Variants in LAPTM4A observed in about 807,000 individuals in gnomAD.
The protein encoded by LAPTM4A is lysosomal protein transmembrane 4 alpha, also known as lysosomal-associated transmembrane protein 4A.
A neutral mutation model predicts 29.9 loss-of-function variants in LAPTM4A; 19 were observed. That is an observed-to-expected ratio of 0.64 (90% CI 0.44 to 0.93). LAPTM4A has a LOEUF of 0.93. LAPTM4A is among the 40% of genes least tolerant of loss of function. The probability of loss-of-function intolerance (pLI) is 0.00; values close to 1 mark genes in which losing one functional copy is unlikely to be tolerated. For missense variants in LAPTM4A, 293 were observed against 288.5 expected (o/e 1.02, Z -0.11); for synonymous variants, 105 against 102.1 (o/e 1.03, Z -0.17).
Position 20,042,578 on chromosome 2 carries a change from C to T in LAPTM4A, c.112-1567G>A, listed in dbSNP as rs1673823037. Among the ~76,000 whole-genome samples the T allele has an allele frequency of 2.0e-5, 3 of 152,352 alleles. No homozygotes were observed. In the East Asian group the frequency reaches 5.8e-4, roughly 29 times the overall value. ...GAGGTGAGGACAAAGCTGCCAGAGG[C>T]TGCCCCTTCCCATTAACTAGCAACT... On this transcript the variant is annotated intron_variant, in intron 1 of 6. Transcript: ENST00000175091.
intron 1 of LAPTM4A, among the ~76,000 whole-genome samples, chr2:20,049,786 T>C (rs1674012111): frequency 6.6e-6 from 1 of 152,156 alleles, no homozygotes. Flanking sequence ...ATGGATTCTC[T>C]TAGTTAAATA....
intron 1 of LAPTM4A, among the ~76,000 whole-genome samples, chr2:20,048,501 T>TA (rs1673984704): frequency 6.6e-6 from 1 of 152,190 alleles, no homozygotes; most frequent in South Asian, 2.1e-4. Context: ...ATGAATATTT[T>TA]AGTATATGGT....
chr2:20,037,211 C>G (rs894370327), intron 4 of LAPTM4A, 105 bp downstream of exon 4: 1 of 917,694 alleles, frequency 1.1e-6, no homozygotes, highest in Admixed American at 2.8e-5. Context: ...CTTTCAAAAG[C>G]AAGCGGAGTA....
Position 20,037,593 on chromosome 2 carries a change from G to A in LAPTM4A, c.254C>T (p.Ala85Val), listed in dbSNP as rs374157232. The A allele has an allele frequency of 7.0e-5, 113 of 1,605,444 alleles. No individual in the cohort carries two copies. Among genetic ancestry groups the A allele is most frequent in the Non-Finnish European group, 9.0e-5 (106 of 1,176,212 alleles). ...GATTATAAACATAAGAACAGAGACG[G>A]CAAAAAGAACACAGGCATTATCTAA... Reference protein sequence around the residue: ...RMADNACVLFAVSVLMFIISS... With the variant: ...RMADNACVLFVVSVLMFIISS... Residue 85 changes from alanine (A) to valine (V), a missense_variant, in exon 3 of 7, where the codon GCC (alanine) becomes GTC (valine). Physicochemically the swap from Ala to Val is moderately conservative, Grantham distance 64. Coordinates refer to ENST00000175091, the MANE Select transcript of LAPTM4A (RefSeq NM_014713.5).
chr2:20,041,546 G>C (rs1048298509), intron 1 of LAPTM4A, among the ~76,000 whole-genome samples: 3 of 152,044 alleles, frequency 2.0e-5, no homozygotes, highest in Non-Finnish European at 4.4e-5. Flanking sequence ...GTATGTGTGC[G>C]TGTGTGTGAT....
intron 1 of LAPTM4A, among the ~76,000 whole-genome samples, chr2:20,042,282 T>C (rs1673817262): frequency 6.6e-6 from 1 of 152,184 alleles, no homozygotes; most frequent in African/African-American, 2.4e-5. Flanking sequence ...GCTTTACAAA[T>C]TTTCTGAATA....
chr2:20,036,139 G>A (rs977364432), intron 4 of LAPTM4A, among the ~76,000 whole-genome samples: 1 of 152,190 alleles, frequency 6.6e-6, no homozygotes, highest in Non-Finnish European at 1.5e-5. Context: ...CCCCGGAGAT[G>A]ACATGAGCAG....
At chr2:20,039,277 A>G (rs1409029164) in intron 2 of LAPTM4A, among the ~76,000 whole-genome samples, 9 of 152,230 alleles carry the variant, frequency 5.9e-5, no homozygotes, top group Non-Finnish European at 1.2e-4. Flanking sequence ...TAAACTAGGA[A>G]TAGTCCTCTT....
intron 2 of LAPTM4A, among the ~76,000 whole-genome samples, chr2:20,039,808 C>T (rs1341547096): frequency 2.0e-5 from 3 of 152,156 alleles, no homozygotes; most frequent in African/African-American, 7.2e-5. Context: ...AATCCCAGCA[C>T]TTTGGGAGGC....
chr2:20,047,810 G>A (rs1300229166), intron 1 of LAPTM4A, among the ~76,000 whole-genome samples: 1 of 152,110 alleles, frequency 6.6e-6, no homozygotes, highest in African/African-American at 2.4e-5. Context: ...ATAAATGGGA[G>A]GTTTTCGTAC....
Position 20,033,067 on chromosome 2 carries a change from AGT to A in LAPTM4A, c.*136_*137del, listed in dbSNP as rs1442921831. On this transcript the variant is annotated 3_prime_UTR_variant, in exon 7 of 7. Transcript: ENST00000175091. ...TTTAACAGATGTCAAAAAGCTCCTT[AGT>A]GTTTGAAAATAAATGCTTAAACAAA... 8 of 704,600 alleles carry A rather than the reference AGT, an allele frequency of 1.1e-5. No homozygotes were observed. In the African/African-American group the frequency reaches 1.4e-4, roughly 13 times the overall value. 43.6% of individuals were successfully genotyped at this position (704,600 alleles called of 1,614,324 possible).
chr2:20,048,682 T>C (rs954061938), intron 1 of LAPTM4A, among the ~76,000 whole-genome samples: 6 of 152,100 alleles, frequency 3.9e-5, no homozygotes, highest in African/African-American at 1.4e-4. Flanking sequence ...GAAACATAAA[T>C]ATTCTCCCAT....
In LAPTM4A at chr2:20,037,441, G is replaced by A. The variant is rs750714913; in HGVS notation, c.310-3C>T. 8 of 1,605,810 alleles carry A rather than the reference G, an allele frequency of 5.0e-6. No homozygotes were observed. Among genetic ancestry groups the A allele is most frequent in the Middle Eastern group, 1.7e-4 (1 of 6,008 alleles). ...GGAATCAGCCAACCCACTTGATACT[G>A]GAGAAAAAATAACAACCATAACATT... On this transcript the variant is annotated splice_region_variant and splice_polypyrimidine_tract_variant and intron_variant, in intron 3 of 6. Coordinates refer to ENST00000175091, the MANE Select transcript of LAPTM4A (RefSeq NM_014713.5).
At chr2:20,044,472 T>C (rs1372850308) in intron 1 of LAPTM4A, among the ~76,000 whole-genome samples, 1 of 152,218 alleles carries the variant, frequency 6.6e-6, no homozygotes, top group African/African-American at 2.4e-5. Flanking sequence ...TAAATATTTT[T>C]ATTACATGAA....
At chr2:20,051,313 C>T in intron 1 of LAPTM4A, 97 bp downstream of exon 1, 1 of 764,334 alleles carries the variant, frequency 1.3e-6, no homozygotes, top group Non-Finnish European at 2.3e-6. Flanking sequence ...TCCAAGTCCC[C>T]GCCCCACCCA....
At chr2:20,048,517 G>A (rs368857688) in intron 1 of LAPTM4A, among the ~76,000 whole-genome samples, 4 of 152,140 alleles carry the variant, frequency 2.6e-5, no homozygotes, top group Non-Finnish European at 4.4e-5. Context: ...ATGGTGTTAC[G>A]ATACTTTAAC....
chr2:20,037,219 G>T, intron 4 of LAPTM4A, 97 bp downstream of exon 4: 1 of 982,780 alleles, frequency 1.0e-6, no homozygotes, highest in Non-Finnish European at 1.5e-6. Context: ...AGCAAGCGGA[G>T]TAGTTAAAAA....
chr2:20,036,221 C>T (rs2103495490), intron 4 of LAPTM4A, among the ~76,000 whole-genome samples: 1 of 146,778 alleles, frequency 6.8e-6, no homozygotes, highest in East Asian at 2.4e-4. Flanking sequence ...TTTCTCCAGG[C>T]TTCCCCACCC....
At chr2:20,050,484 G>C (rs1336800503) in intron 1 of LAPTM4A, among the ~76,000 whole-genome samples, 1 of 152,212 alleles carries the variant, frequency 6.6e-6, no homozygotes, top group Non-Finnish European at 1.5e-5. Flanking sequence ...TAGGAAGTTT[G>C]TCACGGCTTC....
Sources: allele counts gnomAD v4.1 joint callset (sites outside exome capture counted in the v4.1 genomes callset), GRCh38; gene constraint gnomAD v4.1.1; transcripts MANE v1.5; gene names NCBI Gene and HGNC (gene_info 2026-07-23, HGNC 2026-07-21).